Variants in DIAPH2 observed in about 807,000 individuals in gnomAD.
DIAPH2 encodes protein diaphanous homolog 2.
In DIAPH2, 35 loss-of-function variants were observed where a neutral mutation model predicts 92.7. The ratio of observed to expected loss-of-function variants is 0.38; its 90% CI spans 0.29 to 0.50. DIAPH2 has a LOEUF of 0.50. Among genes scored for constraint, DIAPH2 ranks in the 20% least tolerant of loss-of-function variants. The pLI, the probability that DIAPH2 is intolerant of heterozygous loss-of-function variation, is 0.94. For synonymous variants in DIAPH2, 301 were observed against 280.4 expected (o/e 1.07, Z -0.73); for missense variants, 701 against 819.5 (o/e 0.86, Z 1.77).
intron 26 of DIAPH2, among the ~76,000 whole-genome samples, chrX:97,485,667 G>C (rs141050712): frequency 1.9e-4 from 21 of 112,642 alleles, no homozygotes; most frequent in African/African-American, 6.8e-4. Context: ...AATATTCCTT[G>C]GTCCAAAAGC....
chrX:97,166,183 G>T (rs771698003), intron 22 of DIAPH2, among the ~76,000 whole-genome samples: 1 of 111,181 alleles, frequency 9.0e-6, no homozygotes, highest in East Asian at 2.8e-4. Flanking sequence ...CTATTAGTTG[G>T]CTATTGTCCT....
Position 97,038,483 on chromosome X carries a change from A to C in DIAPH2, c.2051-34458A>C, listed in dbSNP as rs2066426125. On this transcript the variant is annotated intron_variant, in intron 17 of 26. Transcript: ENST00000324765. ...AATTTACATTCCCATCAGCAGTGTA[A>C]AAGTATTCCCTTTGTACCACATCCA... Among the ~76,000 whole-genome samples, 10 of 110,526 alleles carry C rather than the reference A, an allele frequency of 9.0e-5. No individual in the cohort carries two copies. In the Admixed American group the frequency reaches 9.6e-4, roughly 11 times the overall value.
At chrX:97,522,350 T>C (rs1328782127) in intron 26 of DIAPH2, among the ~76,000 whole-genome samples, 4 of 111,950 alleles carry the variant, frequency 3.6e-5, no homozygotes, top group African/African-American at 9.7e-5. Context: ...TCTCGCTATG[T>C]TGCCCAGCCT....
At chrX:97,480,264 T>G (rs911867116) in intron 26 of DIAPH2, among the ~76,000 whole-genome samples, 27 of 111,010 alleles carry the variant, frequency 2.4e-4, no homozygotes, top group Non-Finnish European at 4.9e-4. Context: ...TAGACTGGAG[T>G]GATGCGACTG....
intron 26 of DIAPH2, among the ~76,000 whole-genome samples, chrX:97,521,982 A>G (rs1216404939): frequency 8.9e-6 from 1 of 112,239 alleles, no homozygotes; most frequent in Non-Finnish European, 1.9e-5. Flanking sequence ...GTTTGTGATT[A>G]GTAACTATCT....
chrX:97,262,500 G>A (rs2068297130), intron 23 of DIAPH2, among the ~76,000 whole-genome samples: 2 of 112,400 alleles, frequency 1.8e-5, no homozygotes, highest in African/African-American at 3.2e-5. Flanking sequence ...AGCAAGGATA[G>A]TTCTGATGTG....
intron 4 of DIAPH2, among the ~76,000 whole-genome samples, chrX:96,813,082 C>A (rs2064698968): frequency 9.0e-6 from 1 of 111,209 alleles, no homozygotes; most frequent in Non-Finnish European, 1.9e-5. Flanking sequence ...TCCTTGTTAA[C>A]CTGCTGTCTC....
At chrX:97,171,612 A>C (rs751598323) in intron 22 of DIAPH2, among the ~76,000 whole-genome samples, 1 of 112,314 alleles carries the variant, frequency 8.9e-6, no homozygotes, top group African/African-American at 3.2e-5. Context: ...GTAGAATTGC[A>C]GCAGTTGTTT....
At chrX:97,187,761 G>A (rs1304823543) in intron 22 of DIAPH2, among the ~76,000 whole-genome samples, 1 of 111,698 alleles carries the variant, frequency 9.0e-6, no homozygotes, top group Admixed American at 9.6e-5. Flanking sequence ...GAACTAAAGT[G>A]TTTGTGTTAC....
chrX:97,548,055 A>G (rs1440274815), intron 26 of DIAPH2, among the ~76,000 whole-genome samples: 1 of 112,087 alleles, frequency 8.9e-6, no homozygotes, highest in Non-Finnish European at 1.9e-5. Context: ...GCTGATAGTA[A>G]TGCTCATGTG....
chrX:96,713,464 T>G (rs2147538308), intron 1 of DIAPH2, among the ~76,000 whole-genome samples: 1 of 111,655 alleles, frequency 9.0e-6, no homozygotes, highest in East Asian at 2.8e-4. Context: ...CAGTGATACA[T>G]TTGTTGCAGT....
chrX:96,751,537 C>G (rs1279377370), intron 3 of DIAPH2, among the ~76,000 whole-genome samples: 1 of 100,853 alleles, frequency 9.9e-6, no homozygotes, highest in Non-Finnish European at 2.0e-5. Flanking sequence ...GATCTCGACA[C>G]TGCACTCCAG....
chrX:97,285,245 G>T (rs2068530331), intron 23 of DIAPH2, among the ~76,000 whole-genome samples: 1 of 109,198 alleles, frequency 9.2e-6, no homozygotes, highest in Non-Finnish European at 1.9e-5. Context: ...ATGCCTGTAA[G>T]ATTCAGTTAT....
chrX:96,984,243 G>A (rs2066016491), intron 17 of DIAPH2, among the ~76,000 whole-genome samples: 1 of 111,485 alleles, frequency 9.0e-6, no homozygotes, highest in South Asian at 3.8e-4. Flanking sequence ...CCCTAGACTA[G>A]GAGTAAGAAG....
intron 26 of DIAPH2, among the ~76,000 whole-genome samples, chrX:97,438,037 G>A (rs1216349402): frequency 2.8e-5 from 3 of 107,471 alleles, no homozygotes; most frequent in Non-Finnish European, 5.8e-5. Flanking sequence ...ATGGAGGCAC[G>A]TGCCTGTAAT....
intron 26 of DIAPH2, among the ~76,000 whole-genome samples, chrX:97,580,669 T>A (rs1342381993): frequency 4.1e-4 from 43 of 103,940 alleles, no homozygotes; most frequent in African/African-American, 1.4e-3. Context: ...GGTATCAGAA[T>A]GATACTGGCC....
intron 25 of DIAPH2, among the ~76,000 whole-genome samples, chrX:97,411,494 C>T (rs1233373833): frequency 8.9e-6 from 1 of 111,913 alleles, no homozygotes; most frequent in Admixed American, 9.5e-5. Context: ...ACTGCATCAA[C>T]TAACAGGCAA....
At chrX:97,137,724 G>A (rs984780468) in intron 21 of DIAPH2, among the ~76,000 whole-genome samples, 2 of 111,024 alleles carry the variant, frequency 1.8e-5, no homozygotes, top group African/African-American at 6.6e-5. Context: ...GTTGTAATCA[G>A]GCAGACAGCA....
At chrX:97,277,766 G>A (rs1018116115) in intron 23 of DIAPH2, among the ~76,000 whole-genome samples, 2 of 112,009 alleles carry the variant, frequency 1.8e-5, no homozygotes, top group South Asian at 7.4e-4. Flanking sequence ...TATAATCCAC[G>A]CTATTACTTA....
Sources: allele counts gnomAD v4.1 joint callset (sites outside exome capture counted in the v4.1 genomes callset), GRCh38; gene constraint gnomAD v4.1.1; transcripts MANE v1.5; gene names NCBI Gene and HGNC (gene_info 2026-07-23, HGNC 2026-07-21).